CKAP5: variants seen among roughly 807,000 people sequenced by gnomAD.
CKAP5 encodes cytoskeleton associated protein 5, also known as cytoskeleton-associated protein 5.
Under a neutral mutation model 232.8 loss-of-function variants are expected in CKAP5, and 27 were observed. The observed-to-expected ratio is 0.12, with a 90% CI of 0.09 to 0.16. The LOEUF (loss-of-function observed/expected upper bound fraction) is 0.16. Ranked by LOEUF, CKAP5 falls within the 10% of genes least tolerant of loss-of-function variation. CKAP5 has a pLI of 1.00. For missense variants in CKAP5, 1,838 were observed against 2,424.7 expected (o/e 0.76, Z 5.08); for synonymous variants, 785 against 841.1 (o/e 0.93, Z 1.16).
intron 1 of CKAP5, among the ~76,000 whole-genome samples, chr11:46,834,117 G>A (rs918008298): frequency 2.0e-5 from 3 of 152,094 alleles, no homozygotes; most frequent in African/African-American, 7.2e-5. Flanking sequence ...TGATCCACCC[G>A]GCTTGGCCTT....
intron 1 of CKAP5, among the ~76,000 whole-genome samples, chr11:46,834,541 A>G (rs890797975): frequency 2.6e-5 from 4 of 151,150 alleles, no homozygotes; most frequent in Admixed American, 1.3e-4. Flanking sequence ...AAAAAAAAAA[A>G]AGAGAAGCCT....
chr11:46,752,860 G>C (rs1191841622), intron 37 of CKAP5, 150 bp from the exon 38 acceptor site: 3 of 580,110 alleles, frequency 5.2e-6, no homozygotes. Context: ...CTGACATTCA[G>C]TTAAGAAAAT....
chr11:46,834,084 G>A (rs1939859688), intron 1 of CKAP5, among the ~76,000 whole-genome samples: 1 of 152,058 alleles, frequency 6.6e-6, no homozygotes, highest in Non-Finnish European at 1.5e-5. Flanking sequence ...TGGCCAGGCT[G>A]GTCCTGAAAG....
chr11:46,797,295 A>G (rs1938900230), intron 11 of CKAP5, among the ~76,000 whole-genome samples: 1 of 152,032 alleles, frequency 6.6e-6, no homozygotes, highest in African/African-American at 2.4e-5. Context: ...TGAGCCTAGG[A>G]GGCAGAGGCT....
chr11:46,822,154 G>T (rs1316097717), intron 1 of CKAP5, among the ~76,000 whole-genome samples: 1 of 152,056 alleles, frequency 6.6e-6, no homozygotes, highest in African/African-American at 2.4e-5. Context: ...TGGTGTGTGT[G>T]CCTGTAGTCC....
At chr11:46,844,828 G>A (rs966362940) in intron 1 of CKAP5, among the ~76,000 whole-genome samples, 3 of 151,714 alleles carry the variant, frequency 2.0e-5, no homozygotes, top group Non-Finnish European at 4.4e-5. Context: ...TTTTAGTAGA[G>A]AGAGAGAGAG....
chr11:46,842,922 G>T lies in CKAP5; in HGVS notation c.-38+3298C>A, dbSNP rs560999911. On this transcript the variant is annotated intron_variant, in intron 1 of 43. Coordinates refer to ENST00000529230, the MANE Select transcript of CKAP5 (RefSeq NM_001008938.4). ...GCGGAGCTTGCAGTGAGCCGAGATC[G>T]CGCCACCGCACTCCAGCCTGGGTGA... Among the ~76,000 whole-genome samples, 31 of 141,686 alleles carry T rather than the reference G, an allele frequency of 2.2e-4. No homozygotes were observed. In the East Asian group the frequency reaches 6.5e-3, roughly 30 times the overall value. The allele number at this position is 141,686 out of a possible 152,430, so 93.0% of individuals were successfully genotyped here.
At chr11:46,845,057 T>C (rs983059380) in intron 1 of CKAP5, among the ~76,000 whole-genome samples, 1 of 152,222 alleles carries the variant, frequency 6.6e-6, no homozygotes, top group South Asian at 2.1e-4. Context: ...TTAAATTTGG[T>C]AAAAGCATTA....
intron 1 of CKAP5, among the ~76,000 whole-genome samples, chr11:46,825,501 T>C (rs1332711643): frequency 6.6e-6 from 1 of 152,204 alleles, no homozygotes; most frequent in Non-Finnish European, 1.5e-5. Context: ...GATTATTTTC[T>C]CTTCTACTTA....
chr11:46,792,647 G>A (rs960204816), intron 13 of CKAP5, among the ~76,000 whole-genome samples: 14 of 152,114 alleles, frequency 9.2e-5, no homozygotes, highest in Non-Finnish European at 8.8e-5. Context: ...AGTGGCTCAC[G>A]TGCTGCTGAT....
chr11:46,823,687 A>G (rs1939593623), intron 1 of CKAP5, among the ~76,000 whole-genome samples: 1 of 152,128 alleles, frequency 6.6e-6, no homozygotes, highest in Non-Finnish European at 1.5e-5. Flanking sequence ...TCCTGGGCTC[A>G]AGTGATCCTC....
chr11:46,744,046 T>C lies in CKAP5; in HGVS notation c.6076A>G (p.Arg2026Gly), dbSNP rs752844599. 6.2e-7 allele frequency: 1 copy of C among 1,613,260 alleles called. No homozygotes were observed. Among genetic ancestry groups the C allele is most frequent in the South Asian group, 1.1e-5 (1 of 91,036 alleles). The change falls in exon 44 of 44, where the codon AGA (arginine) becomes GGA (glycine). Residue 2026 changes from arginine (R) to glycine (G), a missense_variant. Arg to Gly is a moderately radical substitution (Grantham distance 125, BLOSUM62 -2). This residue lies in a region of CKAP5 where 62 missense variants were observed against 61.1 expected (regional missense o/e 1.01). Transcript: ENST00000529230. ...NIDDLKKRLE[R>G]IKSSRK Reference sequence around the variant, plus strand: ...CTTCATTTGCGACTGCTCTTTATTCTCTCCAGTCTTTTTTTCAAGTCGTCT... The same window carrying C: ...CTTCATTTGCGACTGCTCTTTATTCCCTCCAGTCTTTTTTTCAAGTCGTCT...
intron 14 of CKAP5, 96 bp from the exon 15 acceptor site, chr11:46,790,282 C>G (rs1938685480): frequency 3.5e-6 from 3 of 861,994 alleles, no homozygotes; most frequent in Admixed American, 5.0e-5. Context: ...AAGAATACTC[C>G]CATAGGTATG....
chr11:46,746,801 A>T (rs1488690330), intron 42 of CKAP5, among the ~76,000 whole-genome samples: 3 of 152,228 alleles, frequency 2.0e-5, no homozygotes, highest in Non-Finnish European at 4.4e-5. Context: ...CTATGACATT[A>T]TGACAGCTAT....
At chr11:46,841,814 AG>A (rs1940060698) in intron 1 of CKAP5, among the ~76,000 whole-genome samples, 1 of 152,050 alleles carries the variant, frequency 6.6e-6, no homozygotes, top group South Asian at 2.1e-4. Flanking sequence ...TCTGGCTAAC[AG>A]TGAAACTCCA....
chr11:46,821,392 C>A, intron 1 of CKAP5, 124 bp from the exon 2 acceptor site: 4 of 481,736 alleles, frequency 8.3e-6, no homozygotes, highest in East Asian at 3.9e-5. Flanking sequence ...GTTCTTTCGT[C>A]AGATCCCCAC....
rs1007326831 is a variant in CKAP5 at position 46,761,988 on chromosome 11, G to A, written c.4221+12C>T. On this transcript the variant is annotated intron_variant, in intron 32 of 43. Coordinates refer to ENST00000529230, the MANE Select transcript of CKAP5 (RefSeq NM_001008938.4). ...TCACGACATGCTGACAGTGTTCAGA[G>A]AAGTCACTCACATTTCCAATCAGTT... The A allele has an allele frequency of 1.9e-6, 3 of 1,599,210 alleles. No homozygotes were observed. The highest frequency in any genetic ancestry group is 2.6e-6 in the Non-Finnish European group (3 of 1,168,426).
chr11:46,796,360 G>A (rs989915524), intron 12 of CKAP5, among the ~76,000 whole-genome samples: 1 of 151,998 alleles, frequency 6.6e-6, no homozygotes, highest in Non-Finnish European at 1.5e-5. Context: ...CATATAAGAA[G>A]GTAATTTTCT....
chr11:46,751,646 A>G (rs1045021802), intron 38 of CKAP5, 112 bp from the exon 39 acceptor site: 18 of 853,246 alleles, frequency 2.1e-5, no homozygotes, highest in Non-Finnish European at 3.3e-5. Flanking sequence ...CAGGGCTATA[A>G]ATGTGGCACA....
Sources: allele counts gnomAD v4.1 joint callset (sites outside exome capture counted in the v4.1 genomes callset), GRCh38; gene constraint gnomAD v4.1.1; regional missense constraint gnomAD v4.1.1; transcripts MANE v1.5; gene names NCBI Gene and HGNC (gene_info 2026-07-23, HGNC 2026-07-21).